Variants in CR1 observed in about 807,000 individuals in gnomAD.
CR1 encodes complement C3b/C4b receptor 1 (Knops blood group).
Under a neutral mutation model 187.3 loss-of-function variants are expected in CR1, and 116 were observed. The observed-to-expected ratio is 0.62, with a 90% CI of 0.53 to 0.72. The LOEUF is 0.72. Among genes scored for constraint, CR1 ranks in the 30% least tolerant of loss-of-function variants. CR1 has a pLI of 0.00. For missense variants in CR1, 1,731 were observed against 2,110.7 expected (o/e 0.82, Z 3.52); for synonymous variants, 576 against 747.1 (o/e 0.77, Z 3.73).
intron 43 of CR1, among the ~76,000 whole-genome samples, chr1:207,620,364 G>A (rs1402781035): frequency 6.6e-6 from 1 of 152,200 alleles, no homozygotes; most frequent in African/African-American, 2.4e-5. Flanking sequence ...TTTTCAGCAT[G>A]AGTTAGGGAG....
chr1:207,590,996 T>C (rs1165492128), intron 35 of CR1, among the ~76,000 whole-genome samples: 1 of 152,066 alleles, frequency 6.6e-6, no homozygotes, highest in Admixed American at 6.6e-5. Context: ...TCCCACACAA[T>C]AATAGTGGGA....
intron 4 of CR1, among the ~76,000 whole-genome samples, chr1:207,515,063 A>G (rs113200655): frequency 1.4e-5 from 2 of 146,944 alleles, no homozygotes; most frequent in Non-Finnish European, 3.0e-5. Context: ...ATATGTATAT[A>G]TACGTATATA....
Position 207,616,665 on chromosome 1 carries a change from A to T in CR1, c.6752A>T (p.Tyr2251Phe). The T allele has an allele frequency of 3.7e-6, 6 of 1,613,966 alleles. No homozygotes were observed. The highest frequency in any genetic ancestry group is 5.1e-6 in the Non-Finnish European group (6 of 1,179,852). Residue 2251 changes from tyrosine (Y) to phenylalanine (F), a missense_variant, in exon 41 of 47, where the codon TAC (tyrosine) becomes TTC (phenylalanine). Tyr to Phe is a conservative substitution (Grantham distance 22). Around this residue, in one of 5 missense-constraint regions of CR1, gnomAD observed 1,312 missense variants for 1,379.6 expected, o/e 0.95. Transcript: ENST00000367049. ...GDIPYGKEIS[Y>F]ACDTHPDRGM... The stretch of plus-strand genomic sequence containing the variant: ...ATTCCCTATGGAAAAGAAATATCTT[A>T]CGCATGCGACACCCACCCAGACAGA...
At chr1:207,566,817 T>C (rs1317915749) in intron 24 of CR1, among the ~76,000 whole-genome samples, 1 of 150,386 alleles carries the variant, frequency 6.6e-6, no homozygotes, top group Non-Finnish European at 1.5e-5. Flanking sequence ...ATTCTAATGA[T>C]TGGAAAACGT....
At chr1:207,628,957 A>G (rs1369547685) in intron 45 of CR1, among the ~76,000 whole-genome samples, 4 of 152,186 alleles carry the variant, frequency 2.6e-5, no homozygotes, top group African/African-American at 9.6e-5. Flanking sequence ...CAGACTTGGC[A>G]AGTTCTTCCT....
chr1:207,601,673 G>A (rs1661609750), intron 35 of CR1, among the ~76,000 whole-genome samples: 2 of 152,122 alleles, frequency 1.3e-5, no homozygotes, highest in African/African-American at 4.8e-5. Context: ...TAATGATGTG[G>A]AGCATCTTTT....
At chr1:207,619,035 T>A (rs56207342) in intron 42 of CR1, among the ~76,000 whole-genome samples, 1 of 25,364 alleles carries the variant, frequency 3.9e-5, no homozygotes, top group Non-Finnish European at 7.6e-5. Context: ...AGACTCCGTC[T>A]CAAAAAAAAA....
intron 35 of CR1, among the ~76,000 whole-genome samples, chr1:207,591,057 T>G (rs1330443523): frequency 6.6e-6 from 1 of 152,030 alleles, no homozygotes; most frequent in African/African-American, 2.4e-5. Flanking sequence ...GACAGAAAAT[T>G]AACAAGGATA....
chr1:207,637,916 C>T (rs935849512), intron 46 of CR1, among the ~76,000 whole-genome samples: 2 of 152,096 alleles, frequency 1.3e-5, no homozygotes, highest in Admixed American at 1.3e-4. Flanking sequence ...CCCCACGTCA[C>T]CACCTTCCCT....
rs115554854 is a variant in CR1 at position 207,523,633 on chromosome 1, C to G, written c.510C>G (p.Pro170=). The G allele has an allele frequency of 1.9e-6, 3 of 1,613,962 alleles. No homozygotes were observed. The highest frequency in any genetic ancestry group is 1.1e-5 in the South Asian group (1 of 91,086). The part of the protein sequence containing the change: ...ICDRIPCGLP[P]TITNGDFIST... ...CAGGAATTCCTTGTGGGCTACCCCC[C>G]ACCATCACCAATGGAGATTTCATTA... Residue 170 remains proline, a synonymous_variant, in exon 5 of 47, where the codon CCC becomes CCG. Transcript: ENST00000367049.
chr1:207,575,559 T>C (rs1414415340), intron 27 of CR1, 36 bp from the exon 28 acceptor site: 2 of 1,611,566 alleles, frequency 1.2e-6, no homozygotes, highest in African/African-American at 1.3e-5. Flanking sequence ...TGATGAGGTA[T>C]GTACAGGACA....
intron 2 of CR1, among the ~76,000 whole-genome samples, chr1:207,506,512 A>C (rs567588906): frequency 5.1e-4 from 78 of 152,356 alleles, no homozygotes; most frequent in African/African-American, 1.8e-3. Flanking sequence ...ATGGGGATGA[A>C]ACAGATCTGA....
chr1:207,504,196 C>A (rs1460593590), intron 1 of CR1, among the ~76,000 whole-genome samples: 2 of 152,112 alleles, frequency 1.3e-5, no homozygotes, highest in Admixed American at 6.6e-5. Context: ...TGGAACATGT[C>A]CCCCAAAGAT....
Position 207,609,420 on chromosome 1 carries a change from G to A in CR1, c.6027G>A (p.Glu2009=). 5 of 1,613,968 alleles carry A rather than the reference G, an allele frequency of 3.1e-6. No individual in the cohort carries two copies. The highest frequency in any genetic ancestry group is 4.2e-6 in the Non-Finnish European group (5 of 1,179,888). The stretch of plus-strand genomic sequence containing the variant: ...GACCAGATGGAGAACAGCTGTTTGA[G>A]CTTGTGGGAGAACGGTCAATATATT... ...HTGPDGEQLF[E]LVGERSIYCT... Residue 2009 remains glutamate, a synonymous_variant, in exon 37 of 47, where the codon GAG becomes GAA. Coordinates refer to ENST00000367049, the MANE Select transcript of CR1 (RefSeq NM_000651.6).
chr1:207,567,258 A>T lies in CR1; in HGVS notation c.3953-566A>T, dbSNP rs182511499. Among the ~76,000 whole-genome samples, 79 of 141,950 alleles carry T rather than the reference A, an allele frequency of 5.6e-4. 13 individuals carry two copies. The highest frequency in any genetic ancestry group is 2.1e-3 in the African/African-American group (76 of 35,472). The allele number at this position is 141,950 out of a possible 152,430, so 93.1% of individuals were successfully genotyped here. ...TTCAAAAGCAAAGCCATCTGAATCC[A>T]TTTGGAGTTTTTTTTTTTTTTTTAT... is the stretch of plus-strand genomic sequence containing the variant. On this transcript the variant is annotated intron_variant, in intron 24 of 46. Coordinates refer to ENST00000367049, the MANE Select transcript of CR1 (RefSeq NM_000651.6).
chr1:207,615,377 T>A (rs932358846), intron 40 of CR1, among the ~76,000 whole-genome samples: 7 of 152,246 alleles, frequency 4.6e-5, no homozygotes, highest in Admixed American at 2.0e-4. Flanking sequence ...TAAATAGGGA[T>A]GTTATGGAGA....
chr1:207,523,340 C>A (rs1166636609), intron 4 of CR1, among the ~76,000 whole-genome samples: 1 of 152,094 alleles, frequency 6.6e-6, no homozygotes, highest in African/African-American at 2.4e-5. Context: ...AATACTATAA[C>A]ACTATGATCA....
chr1:207,614,275 C>A lies in CR1; in HGVS notation c.6576-129C>A, dbSNP rs1194958292. The A allele has an allele frequency of 1.6e-5, 11 of 704,984 alleles. No individual in the cohort carries two copies. The East Asian group carries it at 3.4e-4, about 22-fold the overall frequency. The allele number at this position is 704,984 out of a possible 1,614,324, so 43.7% of individuals were successfully genotyped here. On this transcript the variant is annotated intron_variant, in intron 39 of 46. Coordinates refer to ENST00000367049, the MANE Select transcript of CR1 (RefSeq NM_000651.6). ...TAATGAACTAAGACTTTTAGCTGGG[C>A]CTGAACCTAAGACCTAAATGATAGT...
chr1:207,621,069 T>C (rs754006597), intron 43 of CR1, among the ~76,000 whole-genome samples: 4 of 151,658 alleles, frequency 2.6e-5, no homozygotes, highest in Non-Finnish European at 5.9e-5. Context: ...AGGTCAGGAG[T>C]TTAAGACCAG....
Sources: allele counts gnomAD v4.1 joint callset (sites outside exome capture counted in the v4.1 genomes callset), GRCh38; gene constraint gnomAD v4.1.1; regional missense constraint gnomAD v4.1.1; transcripts MANE v1.5; gene names NCBI Gene and HGNC (gene_info 2026-07-23, HGNC 2026-07-21).